ZMYM2: variants seen among roughly 807,000 people sequenced by gnomAD.
ZMYM2 encodes the protein zinc finger MYM-type protein 2.
ZMYM2 carries 56 observed loss-of-function variants against 162.8 expected under a neutral mutation model. That is an observed-to-expected ratio of 0.34 (90% CI 0.28 to 0.43). ZMYM2 has a LOEUF of 0.43. Ranked by LOEUF, ZMYM2 falls within the 20% of genes least tolerant of loss-of-function variation. The probability of loss-of-function intolerance (pLI) is 1.00; values close to 1 mark genes in which losing one functional copy is unlikely to be tolerated. For synonymous variants in ZMYM2, 510 were observed against 541.6 expected, an observed-to-expected ratio of 0.94 and a Z score of 0.81; for missense variants, 1,275 against 1,621.8, an observed-to-expected ratio of 0.79 and a Z score of 3.67.
At position 20,059,582 on chromosome 13, in the gene ZMYM2, C is replaced by CT. The variant is rs1566422281; in HGVS notation, c.2739+23dup. The stretch of plus-strand genomic sequence containing the variant: ...GTTCCTGTAAGTCACATTTTAAGTT[C>CT]TTTCTCATTTTGAGATTTAGCAGAC... On this transcript the variant is annotated intron_variant, in intron 16 of 24. Coordinates refer to ENST00000610343, the MANE Select transcript of ZMYM2 (RefSeq NM_197968.4). 2.9e-6 allele frequency: 3 copies of CT among 1,048,098 alleles called. No homozygotes were observed. The Admixed American group carries it at 5.1e-5, about 18-fold the overall frequency. 64.9% of individuals were successfully genotyped at this position (1,048,098 alleles called of 1,614,324 possible).
chr13:19,992,974 T>C (rs1471359468), intron 2 of ZMYM2, 89 bp from the exon 3 acceptor site: 33 of 1,388,298 alleles, frequency 2.4e-5, no homozygotes. Context: ...AAAAATAAAA[T>C]AAAAGTACCC....
chr13:19,872,021 G>T, the ZMYM2 span, among the ~76,000 whole-genome samples: 3 of 151,878 alleles, frequency 2.0e-5, no homozygotes, highest in Non-Finnish European at 2.9e-5. Flanking sequence ...CCTGGCTGGG[G>T]TGCAATGGTA....
chr13:19,910,170 T>C, the ZMYM2 span, among the ~76,000 whole-genome samples: 6 of 151,644 alleles, frequency 4.0e-5, no homozygotes, highest in East Asian at 5.9e-4. Context: ...GAGCTTGCAG[T>C]GAGCCGAGAT....
chr13:19,865,236 G>A, the ZMYM2 span, among the ~76,000 whole-genome samples: 1 of 152,112 alleles, frequency 6.6e-6, no homozygotes, highest in Non-Finnish European at 1.5e-5. Flanking sequence ...TAAAACAAAC[G>A]AAAAAACCAA....
the ZMYM2 span, among the ~76,000 whole-genome samples, chr13:19,947,267 A>G: frequency 3.3e-5 from 5 of 150,886 alleles, no homozygotes; most frequent in Admixed American, 1.3e-4. Context: ...TCACCGTATT[A>G]GCCAGGATGG....
In ZMYM2 at chr13:20,031,421, A is replaced by G; in HGVS notation, c.1954A>G (p.Ile652Val). ...AAATTCCTTTTGTTCAAAACCAGAA[A>G]TCCTGGAATGGGAGGCAAGTTGTAT... ...CKNSFCSKPE[I>V]LEWENKVHQF... The change falls in exon 10 of 25, where the codon ATC (isoleucine) becomes GTC (valine). Residue 652 changes from isoleucine (I) to valine (V), a missense_variant. This residue lies in a region of ZMYM2 where 276 missense variants were observed against 311.8 expected (regional missense o/e 0.89). Transcript: ENST00000610343. 2 of 1,602,866 alleles carry G rather than the reference A, an allele frequency of 1.2e-6. No homozygotes were observed. The highest frequency in any genetic ancestry group is 1.7e-6 in the Non-Finnish European group (2 of 1,175,886).
chr13:20,070,926 A>T (rs1367061210), intron 21 of ZMYM2: 2 of 135,252 alleles, frequency 1.5e-5, no homozygotes, highest in Non-Finnish European at 3.3e-5. Flanking sequence ...TGAGACCAAT[A>T]AGCCATTGTC....
chr13:20,033,524 C>G (rs1416828960), intron 10 of ZMYM2, among the ~76,000 whole-genome samples: 1 of 152,180 alleles, frequency 6.6e-6, no homozygotes, highest in African/African-American at 2.4e-5. Context: ...TTCCCAGACT[C>G]CCTCACCTTC....
chr13:20,049,734 G>A (rs1189874101), intron 12 of ZMYM2, among the ~76,000 whole-genome samples: 1 of 152,002 alleles, frequency 6.6e-6, no homozygotes, highest in Non-Finnish European at 1.5e-5. Context: ...TACCCATTTT[G>A]CAGGGCTGTT....
chr13:20,082,312 G>A (rs1957964688), intron 22 of ZMYM2, among the ~76,000 whole-genome samples, 182 bp downstream of exon 22: 1 of 152,150 alleles, frequency 6.6e-6, no homozygotes. Flanking sequence ...AATAACTAGT[G>A]TTTATGAAGA....
intron 4 of ZMYM2, 133 bp downstream of exon 4, chr13:20,003,268 T>G (rs1009646573): frequency 5.9e-5 from 63 of 1,072,216 alleles, no homozygotes; most frequent in African/African-American, 1.6e-5. Context: ...GATAAAAGGC[T>G]TCCTGTTTGG....
intron 2 of ZMYM2, among the ~76,000 whole-genome samples, chr13:19,986,465 A>G (rs1180402438): frequency 6.6e-6 from 1 of 152,188 alleles, no homozygotes; most frequent in Non-Finnish European, 1.5e-5. Context: ...AAATATAAAC[A>G]TCATTACTCT....
At chr13:19,941,143 T>A in the ZMYM2 span, among the ~76,000 whole-genome samples, 9 of 152,096 alleles carry the variant, frequency 5.9e-5, no homozygotes, top group South Asian at 1.5e-3. Context: ...ACCCTGTCTC[T>A]ATAAAAAATA....
At chr13:19,951,986 A>T in the ZMYM2 span, among the ~76,000 whole-genome samples, 40 of 152,314 alleles carry the variant, frequency 2.6e-4, no homozygotes, top group East Asian at 5.8e-3. Context: ...GAGTATATGT[A>T]AGTGTCCATC....
intron 21 of ZMYM2, among the ~76,000 whole-genome samples, chr13:20,076,399 G>C (rs1007446319): frequency 3.3e-5 from 5 of 150,234 alleles, no homozygotes; most frequent in Non-Finnish European, 7.4e-5. Context: ...TTCCAGAAGG[G>C]GTATTATTGG....
chr13:19,940,099 T>C, the ZMYM2 span, among the ~76,000 whole-genome samples: 2 of 152,080 alleles, frequency 1.3e-5, no homozygotes, highest in Admixed American at 1.3e-4. Flanking sequence ...GAATCAAATA[T>C]AGAATGATAT....
chr13:19,889,358 G>A, the ZMYM2 span, among the ~76,000 whole-genome samples: 3 of 151,680 alleles, frequency 2.0e-5, no homozygotes, highest in Admixed American at 6.6e-5. Context: ...CGTTCTTGTC[G>A]CCCAGGCTGG....
intron 11 of ZMYM2, among the ~76,000 whole-genome samples, chr13:20,035,064 T>C (rs1953557606): frequency 6.6e-6 from 1 of 152,226 alleles, no homozygotes; most frequent in Non-Finnish European, 1.5e-5. Context: ...TAAGCTGGCT[T>C]TCACTTTCTA....
the ZMYM2 span, chr13:19,864,308 A>T: frequency 2.4e-4 from 37 of 155,044 alleles, no homozygotes; most frequent in African/African-American, 7.5e-4. Context: ...TGGCTGCAGC[A>T]GGAGGAGACG....
Sources: allele counts gnomAD v4.1 joint callset (sites outside exome capture counted in the v4.1 genomes callset), GRCh38; gene constraint gnomAD v4.1.1; regional missense constraint gnomAD v4.1.1; transcripts MANE v1.5; gene names NCBI Gene and HGNC (gene_info 2026-07-23, HGNC 2026-07-21).